SEPTIN11: variants seen among roughly 807,000 people sequenced by gnomAD.
The protein encoded by SEPTIN11 is septin 11, also known as septin-11.
In SEPTIN11, 25 loss-of-function variants were observed where a neutral mutation model predicts 51.4. The ratio of observed to expected loss-of-function variants is 0.49; its 90% CI spans 0.35 to 0.68. The LOEUF is 0.68. Among genes scored for constraint, SEPTIN11 ranks in the 30% least tolerant of loss-of-function variants. SEPTIN11 has a pLI of 0.00. For missense variants in SEPTIN11, 381 were observed against 520.8 expected (o/e 0.73, Z 2.61); for synonymous variants, 174 against 184.1 (o/e 0.95, Z 0.44).
intron 1 of SEPTIN11, among the ~76,000 whole-genome samples, chr4:76,989,477 C>G (rs569941363): frequency 3.9e-5 from 6 of 152,138 alleles, no homozygotes; most frequent in African/African-American, 1.4e-4. Flanking sequence ...TCAGAGGCTA[C>G]GGCCTATCTA....
chr4:76,977,193 C>A (rs995038587), intron 1 of SEPTIN11, among the ~76,000 whole-genome samples: 1 of 151,048 alleles, frequency 6.6e-6, no homozygotes, highest in Non-Finnish European at 1.5e-5. Context: ...ATGCTCTCCC[C>A]TTTGTTACAC....
chr4:77,011,797 A>G lies in SEPTIN11; in HGVS notation c.401A>G (p.Lys134Arg), dbSNP rs1354675965. 1.2e-6 allele frequency: 2 copies of G among 1,614,150 alleles called. No homozygotes were observed. Among genetic ancestry groups the G allele is most frequent in the South Asian group, 2.2e-5 (2 of 91,078 alleles). Residue 134 changes from lysine (K) to arginine (R), a missense_variant, in exon 4 of 10, where the codon AAG becomes AGG. Physicochemically the swap from Lys to Arg is conservative, Grantham distance 26 (BLOSUM62 2). Coordinates refer to ENST00000264893, the MANE Select transcript of SEPTIN11 (RefSeq NM_018243.4). ...QFEAYLQEEL[K>R]IKRSLFNYHD... ...GAGGCCTACCTGCAAGAGGAATTGA[A>G]GATTAAACGTTCTCTCTTCAACTAC...
intron 9 of SEPTIN11, 65 bp downstream of exon 9, chr4:77,031,035 C>T (rs1432875614): frequency 5.6e-6 from 8 of 1,441,216 alleles, no homozygotes; most frequent in South Asian, 2.6e-5. Context: ...CATGTCTCTA[C>T]TTTTCCCATT....
At chr4:77,014,777 ATT>A (rs1725102216) in intron 4 of SEPTIN11, 77 bp from the exon 5 acceptor site, 2 of 1,439,692 alleles carry the variant, frequency 1.4e-6, no homozygotes, top group Non-Finnish European at 9.6e-7. Flanking sequence ...TGCAATTTTT[ATT>A]TGTTTGCTAT....
In SEPTIN11 at chr4:76,984,749, G is replaced by A. The variant is rs141180047; in HGVS notation, c.28-11676G>A. On this transcript the variant is annotated intron_variant, in intron 1 of 9. Transcript: ENST00000264893. The surrounding 1 kb of genome is among the most constrained non-coding windows in gnomAD (Gnocchi z 4.1). ...AAAAATGACCCAAATAAACAACAGT[G>A]AGACAAGTGGGTGGTTTTATGCTCT... Among the ~76,000 whole-genome samples the A allele has an allele frequency of 9.5e-4, 144 of 152,308 alleles. 1 individual carries two copies. The highest frequency in any genetic ancestry group is 1.8e-3 in the Non-Finnish European group (122 of 68,034).
At chr4:77,023,947 A>C (rs1252641095) in intron 7 of SEPTIN11, among the ~76,000 whole-genome samples, 1 of 152,164 alleles carries the variant, frequency 6.6e-6, no homozygotes, top group African/African-American at 2.4e-5. Context: ...TTAAGGTTTT[A>C]TTATATTCTC....
intron 1 of SEPTIN11, among the ~76,000 whole-genome samples, chr4:76,995,227 C>A (rs939219119): frequency 6.7e-6 from 1 of 150,348 alleles, no homozygotes; most frequent in African/African-American, 2.4e-5. Flanking sequence ...ACTAAACATA[C>A]AAAAATTAGC....
In SEPTIN11 at chr4:77,011,925, C is replaced by T. The variant is rs372783470; in HGVS notation, c.525+4C>T. On this transcript the variant is annotated splice_donor_region_variant and intron_variant, in intron 4 of 9. Transcript: ENST00000264893. ...CATGAAAAAGCTGGACAGTAAGGTA[C>T]TTGCTGCCATTCTGATTATCATCCA... The T allele has an allele frequency of 5.0e-6, 8 of 1,612,562 alleles. No individual in the cohort carries two copies. The highest frequency in any genetic ancestry group is 6.8e-6 in the Non-Finnish European group (8 of 1,178,798).
In SEPTIN11 at chr4:77,008,267, G is replaced by T. The variant is rs572521142; in HGVS notation, c.338+2471G>T. The stretch of plus-strand genomic sequence containing the variant: ...CAATTGGAAATAGAATAATTAGTTT[G>T]CCCCACACTGGGGAGATGGGAGGTG... On this transcript the variant is annotated intron_variant, in intron 3 of 9. Transcript: ENST00000264893. Among the ~76,000 whole-genome samples the T allele has an allele frequency of 1.4e-3, 207 of 152,262 alleles. 1 individual carries two copies. The highest frequency in any genetic ancestry group is 2.4e-3 in the Non-Finnish European group (166 of 68,016).
intron 3 of SEPTIN11, among the ~76,000 whole-genome samples, chr4:77,010,932 C>A (rs1724819577): frequency 2.0e-5 from 3 of 152,148 alleles, no homozygotes; most frequent in Non-Finnish European, 4.4e-5. Flanking sequence ...ATGTGTATCC[C>A]CAATATGCTA....
chr4:76,958,942 G>T, intron 1 of SEPTIN11: 2 of 1,229,500 alleles, frequency 1.6e-6, no homozygotes, highest in Non-Finnish European at 2.4e-6. Context: ...TAAAAAACTG[G>T]AATGTTGGCA....
At chr4:76,953,502 C>T (rs981266107) in intron 1 of SEPTIN11, among the ~76,000 whole-genome samples, 1 of 152,060 alleles carries the variant, frequency 6.6e-6, no homozygotes, top group Non-Finnish European at 1.5e-5. Context: ...ATGTTACTTT[C>T]CCTTGTTATA....
Position 77,036,012 on chromosome 4 carries a change from C to G in SEPTIN11, c.*1500C>G, listed in dbSNP as rs1182817215. The G allele has an allele frequency of 1.0e-6, 1 of 985,814 alleles. No individual in the cohort carries two copies. The highest frequency in any genetic ancestry group is 1.7e-5 in the African/African-American group (1 of 57,242). The allele number at this position is 985,814 out of a possible 1,614,324, so 61.1% of individuals were successfully genotyped here. A position where few individuals can be genotyped will look rare whatever the true frequency, so the allele number is the denominator to read the frequency against. ...TAGGATAGAATATGCTGCGTCTCCC[C>G]TGACACACACTTTCTTTTTTGAATG... On this transcript the variant is annotated 3_prime_UTR_variant, in exon 10 of 10. Transcript: ENST00000264893.
intron 1 of SEPTIN11, among the ~76,000 whole-genome samples, chr4:76,962,516 G>A (rs554487555): frequency 3.9e-5 from 6 of 152,294 alleles, no homozygotes; most frequent in African/African-American, 7.2e-5. Context: ...ATGGGGAAAC[G>A]GGAAAAAAGG....
chr4:77,036,066 G>T lies in SEPTIN11; in HGVS notation c.*1554G>T, dbSNP rs1023517015. On this transcript the variant is annotated 3_prime_UTR_variant, in exon 10 of 10. Transcript: ENST00000264893. The stretch of plus-strand genomic sequence containing the variant: ...AAGTCTCCATTTTGATTTCAGCAAA[G>T]ATTTTTTCTCCTTTTCTTTGTCCTC... The T allele has an allele frequency of 4.1e-6, 4 of 985,794 alleles. No individual in the cohort carries two copies. The highest frequency in any genetic ancestry group is 1.7e-5 in the African/African-American group (1 of 57,240). The allele number at this position is 985,794 out of a possible 1,614,324, so 61.1% of individuals were successfully genotyped here.
At chr4:76,961,413 C>T (rs1721820300) in intron 1 of SEPTIN11, among the ~76,000 whole-genome samples, 1 of 152,206 alleles carries the variant, frequency 6.6e-6, no homozygotes, top group Admixed American at 6.5e-5. Context: ...CGCTACAAAA[C>T]ATTCTGACTG....
chr4:76,960,139 T>C (rs1384495071), intron 1 of SEPTIN11, among the ~76,000 whole-genome samples: 1 of 152,208 alleles, frequency 6.6e-6, no homozygotes, highest in African/African-American at 2.4e-5. Flanking sequence ...CCAAGCTGAT[T>C]CATTTTTAGA....
chr4:76,965,348 G>A (rs1304067041), intron 1 of SEPTIN11, among the ~76,000 whole-genome samples: 1 of 151,744 alleles, frequency 6.6e-6, no homozygotes, highest in Non-Finnish European at 1.5e-5. Context: ...CTACTTGGGA[G>A]GCTGAGGATG....
At chr4:76,995,005 T>A (rs56063035) in intron 1 of SEPTIN11, among the ~76,000 whole-genome samples, 1 of 143,524 alleles carries the variant, frequency 7.0e-6, no homozygotes, top group Non-Finnish European at 1.5e-5. Context: ...TGAAGCTGGC[T>A]GAGCCCAGGA....
Sources: gnomAD v4.1 joint callset for allele counts (sites outside exome capture counted in the v4.1 genomes callset) on GRCh38, gnomAD v4.1.1 for gene constraint, Gnocchi (gnomAD v3.1) non-coding constraint, MANE v1.5 for transcripts, NCBI Gene and HGNC (gene_info 2026-07-23, HGNC 2026-07-21) for gene names.